Variants in PTPRM observed in about 807,000 individuals in gnomAD.
PTPRM encodes protein tyrosine phosphatase receptor type M, also known as receptor-type tyrosine-protein phosphatase mu.
Under a neutral mutation model 186.7 loss-of-function variants are expected in PTPRM, and 47 were observed. The ratio of observed to expected loss-of-function variants is 0.25; its 90% CI spans 0.20 to 0.32. The LOEUF is 0.32. Among genes scored for constraint, PTPRM ranks in the 10% least tolerant of loss-of-function variants. The probability of loss-of-function intolerance (pLI) is 1.00; values close to 1 mark genes in which losing one functional copy is unlikely to be tolerated. For synonymous variants in PTPRM, 668 were observed against 674.9 expected (o/e 0.99, Z 0.16); for missense variants, 1,494 against 1,865.0 (o/e 0.80, Z 3.66).
chr18:8,194,502 G>T (rs928368426), intron 14 of PTPRM, among the ~76,000 whole-genome samples: 3 of 152,202 alleles, frequency 2.0e-5, no homozygotes, highest in African/African-American at 7.2e-5. Context: ...GACTGAGGGG[G>T]CACCCTGAAA....
chr18:8,294,299 G>A (rs1177053995), intron 19 of PTPRM, among the ~76,000 whole-genome samples: 1 of 152,124 alleles, frequency 6.6e-6, no homozygotes, highest in Non-Finnish European at 1.5e-5. Flanking sequence ...AGTTTATAAA[G>A]GAAAGAGGTT....
At chr18:7,983,819 T>C (rs73383844) in intron 7 of PTPRM, among the ~76,000 whole-genome samples, 2,256 of 152,330 alleles carry the variant, frequency 0.015, 68 homozygotes, top group African/African-American at 0.052. Flanking sequence ...CTGCTTTAGC[T>C]GCTTTACTGT....
intron 11 of PTPRM, among the ~76,000 whole-genome samples, chr18:8,099,010 A>G (rs1263535730): frequency 6.6e-6 from 1 of 152,130 alleles, no homozygotes; most frequent in Non-Finnish European, 1.5e-5. Flanking sequence ...TTGCCTGAGA[A>G]TATCCTGGGT....
chr18:8,179,642 G>A (rs2093544796), intron 14 of PTPRM, among the ~76,000 whole-genome samples: 1 of 151,746 alleles, frequency 6.6e-6, no homozygotes, highest in African/African-American at 2.4e-5. Context: ...GCTAATTTTT[G>A]TAATTTTAGT....
intron 1 of PTPRM, among the ~76,000 whole-genome samples, chr18:7,581,717 A>G (rs964802510): frequency 4.7e-5 from 7 of 148,078 alleles, no homozygotes; most frequent in Non-Finnish European, 7.4e-5. Flanking sequence ...GTGCAGTGGT[A>G]CGATTATAGT....
chr18:7,674,707 G>A (rs750063438), intron 1 of PTPRM, among the ~76,000 whole-genome samples: 5 of 152,224 alleles, frequency 3.3e-5, no homozygotes, highest in Non-Finnish European at 5.9e-5. Context: ...AGAGAAGTTA[G>A]TTACTTGGGA....
chr18:7,671,320 A>G (rs2039213699), intron 1 of PTPRM, among the ~76,000 whole-genome samples: 1 of 152,212 alleles, frequency 6.6e-6, no homozygotes, highest in African/African-American at 2.4e-5. Flanking sequence ...AATACTTGTC[A>G]GGTTGCATTT....
chr18:8,287,719 G>T (rs1353762162), intron 19 of PTPRM, among the ~76,000 whole-genome samples: 1 of 152,226 alleles, frequency 6.6e-6, no homozygotes, highest in East Asian at 1.9e-4. Context: ...CAGCTCTTGA[G>T]TAGTGTGAAC....
At chr18:8,056,140 C>T (rs772384051) in intron 7 of PTPRM, among the ~76,000 whole-genome samples, 2 of 152,044 alleles carry the variant, frequency 1.3e-5, no homozygotes, top group Non-Finnish European at 2.9e-5. Flanking sequence ...ATTAATTTAT[C>T]TAATTATTTG....
chr18:8,120,053 T>A (rs2092112681), intron 13 of PTPRM, among the ~76,000 whole-genome samples: 1 of 152,130 alleles, frequency 6.6e-6, no homozygotes, highest in South Asian at 2.1e-4. Context: ...TAATAAATAT[T>A]TGAGGCCTTG....
Position 8,109,943 on chromosome 18 carries a change from A to C in PTPRM, c.1857-3543A>C, listed in dbSNP as rs182476650. ...CATAACTAGCATCCTCTTACCATAA[A>C]ACCTTTTCCTTGGTCATTGCTTTCT... On this transcript the variant is annotated intron_variant, in intron 11 of 32. Transcript: ENST00000580170. Among the ~76,000 whole-genome samples the C allele has an allele frequency of 2.0e-5, 3 of 152,272 alleles. No individual in the cohort carries two copies. In the East Asian group the frequency reaches 5.8e-4, roughly 29 times the overall value.
chr18:7,874,734 G>A (rs1436114540), intron 2 of PTPRM, among the ~76,000 whole-genome samples: 1 of 152,162 alleles, frequency 6.6e-6, no homozygotes, highest in Non-Finnish European at 1.5e-5. Context: ...GAGATACAGT[G>A]ATAGAAATAT....
At chr18:7,602,249 TG>T (rs1177504399) in intron 1 of PTPRM, among the ~76,000 whole-genome samples, 1 of 152,174 alleles carries the variant, frequency 6.6e-6, no homozygotes, top group Non-Finnish European at 1.5e-5. Flanking sequence ...GGTAAGATCT[TG>T]GGCAAGTTAT....
At chr18:8,228,060 G>A (rs1248893366) in intron 14 of PTPRM, among the ~76,000 whole-genome samples, 2 of 152,176 alleles carry the variant, frequency 1.3e-5, no homozygotes, top group East Asian at 1.9e-4. Flanking sequence ...AAAAATCTTC[G>A]GTTGGTTTGG....
chr18:8,142,799 C>T (rs1453905499), intron 13 of PTPRM, among the ~76,000 whole-genome samples: 1 of 152,148 alleles, frequency 6.6e-6, no homozygotes, highest in East Asian at 1.9e-4. Flanking sequence ...ACAAAGGAGT[C>T]TTTTTAGGGA....
chr18:7,795,516 T>G (rs2043583898), intron 2 of PTPRM, among the ~76,000 whole-genome samples: 1 of 152,012 alleles, frequency 6.6e-6, no homozygotes, highest in Admixed American at 6.6e-5. Flanking sequence ...GAAGCCACTT[T>G]GAGACTTTCG....
At chr18:8,309,538 G>A (rs1445301573) in intron 20 of PTPRM, among the ~76,000 whole-genome samples, 1 of 152,142 alleles carries the variant, frequency 6.6e-6, no homozygotes, top group Non-Finnish European at 1.5e-5. Flanking sequence ...TATAGAGACA[G>A]GGTCTTGCTC....
chr18:8,402,129 C>T (rs1445708031), intron 32 of PTPRM, among the ~76,000 whole-genome samples: 1 of 152,212 alleles, frequency 6.6e-6, no homozygotes, highest in Non-Finnish European at 1.5e-5. Context: ...GAGGAAACTG[C>T]AGCAGATAGA....
chr18:8,178,047 A>C (rs1344897197), intron 14 of PTPRM, among the ~76,000 whole-genome samples: 3 of 152,222 alleles, frequency 2.0e-5, no homozygotes, highest in African/African-American at 7.2e-5. Flanking sequence ...CTTAGTGTGC[A>C]TGCTTGAGCC....
Sources: allele counts gnomAD v4.1 joint callset (sites outside exome capture counted in the v4.1 genomes callset), GRCh38; gene constraint gnomAD v4.1.1; transcripts MANE v1.5; gene names NCBI Gene and HGNC (gene_info 2026-07-23, HGNC 2026-07-21).